The following CAMTA1 variants were observed in gnomAD, a reference collection of about 807,000 sequenced individuals.
The protein encoded by CAMTA1 is calmodulin-binding transcription activator 1.
In CAMTA1, 27 loss-of-function variants were observed where a neutral mutation model predicts 170.9. The observed-to-expected ratio is 0.16, with a 90% confidence interval of 0.12 to 0.22. The LOEUF is 0.22. Among genes scored for constraint, CAMTA1 ranks in the 10% least tolerant of loss-of-function variants. The probability of loss-of-function intolerance (pLI) is 1.00; values close to 1 mark genes in which losing one functional copy is unlikely to be tolerated. For missense variants in CAMTA1, 1,619 were observed against 2,217.2 expected, an observed-to-expected ratio of 0.73 and a Z score of 5.42; for synonymous variants, 833 against 891.5, an observed-to-expected ratio of 0.93 and a Z score of 1.17.
rs550541053 is a variant in CAMTA1 at position 7,752,301 on chromosome 1, C to T, written c.4884-158C>T. Among the ~76,000 whole-genome samples the T allele has an allele frequency of 1.5e-4, 23 of 152,332 alleles. 1 individual carries two copies. The South Asian group carries it at 2.7e-3, about 18-fold the overall frequency. ...GACTCGATACTATGGGAACAGCATACGCACTCATCCCCCTTCAGATTGTAT... is the reference window on the plus strand; with the variant it reads ...GACTCGATACTATGGGAACAGCATATGCACTCATCCCCCTTCAGATTGTAT... On this transcript the variant is annotated intron_variant, in intron 20 of 22. Coordinates refer to ENST00000303635, the MANE Select transcript of CAMTA1 (RefSeq NM_015215.4).
At chr1:7,383,724 G>GA (rs2087611478) in intron 5 of CAMTA1, among the ~76,000 whole-genome samples, 1 of 152,084 alleles carries the variant, frequency 6.6e-6, no homozygotes, top group African/African-American at 2.4e-5. Flanking sequence ...TGGTGATGGT[G>GA]GTGGTGGTGC....
intron 5 of CAMTA1, among the ~76,000 whole-genome samples, chr1:7,389,050 G>A (rs552339081): frequency 4.6e-4 from 70 of 152,338 alleles, no homozygotes; most frequent in Middle Eastern, 3.4e-3. Flanking sequence ...CGAGAGGGAG[G>A]GGGAGGAGGA....
intron 5 of CAMTA1, among the ~76,000 whole-genome samples, chr1:7,309,322 CG>C (rs1439077829): frequency 3.1e-5 from 3 of 97,230 alleles, no homozygotes; most frequent in African/African-American, 1.2e-4. Flanking sequence ...TTTTTTGAGA[CG>C]GAGTCTCGCT....
intron 3 of CAMTA1, among the ~76,000 whole-genome samples, chr1:6,958,448 C>T (rs1036190299): frequency 3.9e-5 from 6 of 152,160 alleles, no homozygotes; most frequent in African/African-American, 1.2e-4. Context: ...ACTCTCCTCT[C>T]GGACAGGTTC....
At chr1:6,881,391 G>C (rs1043193205) in intron 3 of CAMTA1, among the ~76,000 whole-genome samples, 1 of 152,218 alleles carries the variant, frequency 6.6e-6, no homozygotes, top group African/African-American at 2.4e-5. Context: ...AAGCAACACC[G>C]TGACCACGTA....
At position 7,251,485 on chromosome 1, in the gene CAMTA1, G is replaced by A. The variant is rs558729189; in HGVS notation, c.438+1859G>A. On this transcript the variant is annotated intron_variant, in intron 5 of 22. Coordinates refer to ENST00000303635, the MANE Select transcript of CAMTA1 (RefSeq NM_015215.4). The surrounding 1 kb of genome is among the most constrained non-coding windows in gnomAD (Gnocchi z 5.1). ...GCAGTGTGGGCAGCGGGAAGAGCCG[G>A]TGACACGATGCTTGCTTTGGGTTCT... is the stretch of plus-strand genomic sequence containing the variant. 7.2e-5 allele frequency among the ~76,000 whole-genome samples: 11 copies of A among 152,272 alleles called. No individual in the cohort carries two copies. The South Asian group carries it at 2.3e-3, about 32-fold the overall frequency.
chr1:7,345,141 C>A (rs2084135268), intron 5 of CAMTA1, among the ~76,000 whole-genome samples: 1 of 152,154 alleles, frequency 6.6e-6, no homozygotes, highest in Non-Finnish European at 1.5e-5. Context: ...AATCCTTCAT[C>A]CCTTTTATAT....
At chr1:7,554,601 C>T (rs1409129544) in intron 6 of CAMTA1, among the ~76,000 whole-genome samples, 1 of 152,156 alleles carries the variant, frequency 6.6e-6, no homozygotes, top group African/African-American at 2.4e-5. Flanking sequence ...CCCCTCCTGT[C>T]ACTGCCTCCA....
Position 7,661,833 on chromosome 1 carries a change from C to T in CAMTA1, c.772C>T (p.Arg258Trp), listed in dbSNP as rs1470142432. The change falls in exon 8 of 23, where the codon CGG becomes TGG. Residue 258 changes from arginine to tryptophan, a missense_variant. Arg to Trp is a moderately radical substitution (Grantham distance 101). This residue lies in a region of CAMTA1 where 731 missense variants were observed against 907.6 expected (regional missense o/e 0.81). Transcript: ENST00000303635. ...CAGCCACCAGACCAAGCCCCAGCCGCGGACCCACAACTGCCTCTGCACCGG... is the reference window on the plus strand; with the variant it reads ...CAGCCACCAGACCAAGCCCCAGCCGTGGACCCACAACTGCCTCTGCACCGG... ...LDSHQTKPQP[R>W]THNCLCTGSL... 3.1e-6 allele frequency: 5 copies of T among 1,613,208 alleles called. No individual in the cohort carries two copies. Among genetic ancestry groups the T allele is most frequent in the Non-Finnish European group, 3.4e-6 (4 of 1,179,878 alleles).
At chr1:7,009,781 G>A (rs1276857142) in intron 3 of CAMTA1, among the ~76,000 whole-genome samples, 1 of 152,226 alleles carries the variant, frequency 6.6e-6, no homozygotes, top group East Asian at 1.9e-4. Context: ...TGGACATGGG[G>A]AGCTGTGGGT....
chr1:7,345,593 C>T (rs2084165352), intron 5 of CAMTA1, among the ~76,000 whole-genome samples: 1 of 152,168 alleles, frequency 6.6e-6, no homozygotes, highest in African/African-American at 2.4e-5. Context: ...GCTCACTTTC[C>T]ACTTCTCTGA....
chr1:6,986,599 A>C (rs997565810), intron 3 of CAMTA1, among the ~76,000 whole-genome samples: 2 of 152,130 alleles, frequency 1.3e-5, no homozygotes, highest in African/African-American at 4.8e-5. Flanking sequence ...ACCATCGTCC[A>C]TGGTTGTACC....
At chr1:7,285,865 A>G (rs1672273783) in intron 5 of CAMTA1, among the ~76,000 whole-genome samples, 1 of 152,122 alleles carries the variant, frequency 6.6e-6, no homozygotes, top group Admixed American at 6.5e-5. Flanking sequence ...CCCCACCTCA[A>G]AAACTAGAAC....
chr1:7,458,097 G>C (rs1342639722), intron 5 of CAMTA1, among the ~76,000 whole-genome samples: 1 of 152,168 alleles, frequency 6.6e-6, no homozygotes, highest in Non-Finnish European at 1.5e-5. Context: ...CGGGTGGCCA[G>C]CTTTTTGACG....
chr1:7,026,298 T>C (rs925307322), intron 3 of CAMTA1, among the ~76,000 whole-genome samples: 2 of 152,160 alleles, frequency 1.3e-5, no homozygotes, highest in African/African-American at 2.4e-5. Flanking sequence ...AGTGGATTGC[T>C]GCTCAGGCCC....
At position 7,005,217 on chromosome 1, in the gene CAMTA1, C is replaced by T. The variant is rs1698807780; in HGVS notation, c.235-86087C>T. 2.0e-5 allele frequency among the ~76,000 whole-genome samples: 3 copies of T among 152,324 alleles called. No individual in the cohort carries two copies. The South Asian group carries it at 6.2e-4, about 32-fold the overall frequency. On this transcript the variant is annotated intron_variant, in intron 3 of 22. Transcript: ENST00000303635. ...ATCTCACCTGGGAAATTCTTAGCCA[C>T]CCACCTTGGAAGCTGGCTTTTGGGC...
At chr1:6,942,238 T>C (rs1686777570) in intron 3 of CAMTA1, among the ~76,000 whole-genome samples, 1 of 152,220 alleles carries the variant, frequency 6.6e-6, no homozygotes, top group African/African-American at 2.4e-5. Flanking sequence ...TAAATAAAAA[T>C]ATATAAATGA....
chr1:7,536,271 G>T (rs529375170), intron 6 of CAMTA1, among the ~76,000 whole-genome samples: 1 of 152,328 alleles, frequency 6.6e-6, no homozygotes, highest in South Asian at 2.1e-4. Context: ...AGATTCTCAT[G>T]CAAAATAAAT....
In CAMTA1 at chr1:7,738,499, G is replaced by C; in HGVS notation, c.4182+17G>C. The stretch of plus-strand genomic sequence containing the variant: ...GACATACAGGTAAAAAGCAGGGACA[G>C]GGTAAGCCCGCAGAGGCTGGTGCGT... On this transcript the variant is annotated intron_variant, in intron 16 of 22. Transcript: ENST00000303635. This position sits in a 1 kb window ranked among gnomAD's most constrained non-coding sequence, Gnocchi z 4.9. 1 of 1,606,556 alleles carries C rather than the reference G, an allele frequency of 6.2e-7. No individual in the cohort carries two copies. The highest frequency in any genetic ancestry group is 8.5e-7 in the Non-Finnish European group (1 of 1,175,054).
Sources: allele counts gnomAD v4.1 joint callset (sites outside exome capture counted in the v4.1 genomes callset), GRCh38; gene constraint gnomAD v4.1.1; regional missense constraint gnomAD v4.1.1; non-coding constraint Gnocchi (gnomAD v3.1); transcripts MANE v1.5; gene names NCBI Gene and HGNC (gene_info 2026-07-23, HGNC 2026-07-21).